Variants in KY observed in about 807,000 individuals in gnomAD.
The protein encoded by KY is kyphoscoliosis peptidase.
In KY, 43 loss-of-function variants were observed where a neutral mutation model predicts 76.1. The ratio of observed to expected loss-of-function variants is 0.57; its 90% CI spans 0.44 to 0.73. The LOEUF is 0.73. Ranked by LOEUF, KY falls within the 30% of genes least tolerant of loss-of-function variation. The probability of loss-of-function intolerance (pLI) is 0.00; values close to 1 mark genes in which losing one functional copy is unlikely to be tolerated. For missense variants in KY, 722 were observed against 828.9 expected (o/e 0.87, Z 1.58); for synonymous variants, 277 against 326.2 (o/e 0.85, Z 1.63).
chr3:134,604,929 A>G (rs1470141485), intron 10 of KY, among the ~76,000 whole-genome samples: 1 of 152,104 alleles, frequency 6.6e-6, no homozygotes, highest in Non-Finnish European at 1.5e-5. Context: ...ATGTCAACGC[A>G]TTGTCCTTAA....
At chr3:134,639,949 C>CAAAAAAAAAAA in intron 3 of KY, 1 of 49,654 alleles carries the variant, frequency 2.0e-5, no homozygotes, top group African/African-American at 8.9e-5. Context: ...CACCCTGTCT[C>CAAAAAAAAAAA]AAAAAAAAAA....
chr3:134,636,236 C>T (rs73230319), intron 3 of KY, among the ~76,000 whole-genome samples: 43,121 of 152,060 alleles, frequency 0.28, 7,747 homozygotes, highest in East Asian at 0.65. Flanking sequence ...ATGATTTTAT[C>T]AATCTATGAT....
chr3:134,632,958 A>G (rs1964428914), intron 3 of KY, among the ~76,000 whole-genome samples: 1 of 152,194 alleles, frequency 6.6e-6, no homozygotes, highest in South Asian at 2.1e-4. Flanking sequence ...ATGTATTAAA[A>G]TAATAATAAA....
At chr3:134,638,624 T>C (rs372631448) in intron 3 of KY, among the ~76,000 whole-genome samples, 2 of 152,358 alleles carry the variant, frequency 1.3e-5, no homozygotes, top group African/African-American at 4.8e-5. Flanking sequence ...GCCCCTTTCC[T>C]AGACCCCGCC....
chr3:134,608,741 A>G lies in KY; in HGVS notation c.998T>C (p.Leu333Pro), dbSNP rs2107761132. The G allele has an allele frequency of 6.2e-7, 1 of 1,614,022 alleles. No individual in the cohort carries two copies. The highest frequency in any genetic ancestry group is 2.2e-5 in the East Asian group (1 of 44,882). The change falls in exon 10 of 11, where the codon CTG becomes CCG. Residue 333 changes from leucine (L) to proline (P), a missense_variant. This residue lies in a region of KY where 552 missense variants were observed against 680.9 expected (regional missense o/e 0.81). Coordinates refer to ENST00000423778, the MANE Select transcript of KY (RefSeq NM_178554.6). ...ATACATGTTGTTCTCAAACTGCCTCAGAGATTGAGGAGGTTTTAGCAGCTG... is the reference window on the plus strand; with the variant it reads ...ATACATGTTGTTCTCAAACTGCCTCGGAGATTGAGGAGGTTTTAGCAGCTG... ...NWQLLKPPQS[L>P]RQFENNMYHK... is the part of the protein sequence containing the mutation.
intron 8 of KY, among the ~76,000 whole-genome samples, chr3:134,616,421 T>C (rs1166011343): frequency 6.6e-6 from 1 of 152,228 alleles, no homozygotes; most frequent in Non-Finnish European, 1.5e-5. Flanking sequence ...GCGGATTATA[T>C]GTCCTCAGTT....
At chr3:134,635,021 A>C (rs1964737175) in intron 3 of KY, among the ~76,000 whole-genome samples, 1 of 152,254 alleles carries the variant, frequency 6.6e-6, no homozygotes, top group East Asian at 1.9e-4. Flanking sequence ...TGTACTTACC[A>C]TACAACCTAA....
chr3:134,603,449 A>C lies in KY; in HGVS notation c.*130T>G. The C allele has an allele frequency of 1.3e-6, 1 of 783,884 alleles. No homozygotes were observed. The highest frequency in any genetic ancestry group is 2.0e-6 in the Non-Finnish European group (1 of 494,998). The allele number at this position is 783,884 out of a possible 1,614,324, so 48.6% of individuals were successfully genotyped here. A position where few individuals can be genotyped will look rare whatever the true frequency, so the allele number is the denominator to read the frequency against. ...ACAGCTCCTGTGGCAGAGGTGGGACACTGAGGCAGAGGCCTAGAAGGGATT... is the reference window on the plus strand; with the variant it reads ...ACAGCTCCTGTGGCAGAGGTGGGACCCTGAGGCAGAGGCCTAGAAGGGATT... On this transcript the variant is annotated 3_prime_UTR_variant, in exon 11 of 11. Coordinates refer to ENST00000423778, the MANE Select transcript of KY (RefSeq NM_178554.6).
chr3:134,624,224 C>G (rs1318582008), intron 6 of KY, among the ~76,000 whole-genome samples: 2 of 152,240 alleles, frequency 1.3e-5, no homozygotes, highest in Admixed American at 1.3e-4. Context: ...TTCTTCCCCT[C>G]TGCCCCTAGC....
In KY at chr3:134,603,915, G is replaced by A. The variant is rs1344690019; in HGVS notation, c.1650C>T (p.Phe550=). 16 of 1,613,900 alleles carry A rather than the reference G, an allele frequency of 9.9e-6. No individual in the cohort carries two copies. Among genetic ancestry groups the A allele is most frequent in the African/African-American group, 2.7e-5 (2 of 74,932 alleles). Residue 550 remains phenylalanine (F), a synonymous_variant, in exon 11 of 11, where the codon TTC becomes TTT. Coordinates refer to ENST00000423778, the MANE Select transcript of KY (RefSeq NM_178554.6). The stretch of plus-strand genomic sequence containing the variant: ...CACAGCATACAAGGTAATTAAAGAC[G>A]AAGATGTAGTTTCCTGGTTCCTGCC... ...KKRQEPGNYI[F]VFNYLVCCAN...
At chr3:134,649,830 G>A (rs969052898) in intron 1 of KY, among the ~76,000 whole-genome samples, 4 of 152,242 alleles carry the variant, frequency 2.6e-5, no homozygotes, top group African/African-American at 9.6e-5. Flanking sequence ...AATGAGCACA[G>A]AGGCTCTGGG....
At chr3:134,607,810 C>A (rs1959492329) in intron 10 of KY, 2 of 988,160 alleles carry the variant, frequency 2.0e-6, no homozygotes, top group South Asian at 4.7e-5. Flanking sequence ...CTATACTGCC[C>A]CAGGGGAGTG....
rs556880759 is a variant in KY, at chr3:134,611,043, G to A, written c.711-660C>T. ...GCTGCCAGTTTGCTCAGGTCTGACT[G>A]GTGGGTCTGTCCTTTGTGAACATGG... On this transcript the variant is annotated intron_variant, in intron 8 of 10. Coordinates refer to ENST00000423778, the MANE Select transcript of KY (RefSeq NM_178554.6). 2.0e-5 allele frequency among the ~76,000 whole-genome samples: 3 copies of A among 152,330 alleles called. No homozygotes were observed. In the East Asian group the frequency reaches 5.8e-4, roughly 29 times the overall value.
rs553985273 is a variant in KY at position 134,601,753 on chromosome 3, G to C, written c.*1826C>G. ...GCTCGAGGCCGCCGGCCTGTTGGAT[G>C]ATGGGCACCCTTGTGAGCTGGTTCT... On this transcript the variant is annotated 3_prime_UTR_variant, in exon 11 of 11. Coordinates refer to ENST00000423778, the MANE Select transcript of KY (RefSeq NM_178554.6). Among the ~76,000 whole-genome samples the C allele has an allele frequency of 3.3e-5, 5 of 152,252 alleles. No homozygotes were observed. The highest frequency in any genetic ancestry group is 1.2e-4 in the African/African-American group (5 of 41,472).
At chr3:134,620,609 G>T in intron 7 of KY, 140 bp downstream of exon 7, 1 of 632,074 alleles carries the variant, frequency 1.6e-6, no homozygotes, top group Non-Finnish European at 2.9e-6. Flanking sequence ...TTACTCTCTG[G>T]TTCATCAGTC....
intron 3 of KY, among the ~76,000 whole-genome samples, chr3:134,638,083 G>A (rs928627067): frequency 1.1e-4 from 16 of 152,130 alleles, no homozygotes; most frequent in Admixed American, 2.0e-4. Context: ...CCACTTTCTC[G>A]TCCTCCCTGA....
intron 2 of KY, among the ~76,000 whole-genome samples, chr3:134,645,678 T>G (rs776943766): frequency 6.6e-6 from 1 of 152,228 alleles, no homozygotes; most frequent in East Asian, 1.9e-4. Context: ...TTTTCTGGGC[T>G]CAGGGCCTCT....
chr3:134,628,093 CTT>C (rs1651347960), intron 4 of KY: 1 of 473,692 alleles, frequency 2.1e-6, no homozygotes, highest in Admixed American at 3.5e-5. Flanking sequence ...TGACCTAACA[CTT>C]TGGGTGATTC....
intron 3 of KY, among the ~76,000 whole-genome samples, chr3:134,630,088 T>G (rs11915964): frequency 0.33 from 50,076 of 152,130 alleles, 8,599 homozygotes; most frequent in African/African-American, 0.37. Context: ...TAGACTGGAC[T>G]TAAAGGCATT....
Sources: allele counts gnomAD v4.1 joint callset (sites outside exome capture counted in the v4.1 genomes callset), GRCh38; gene constraint gnomAD v4.1.1; regional missense constraint gnomAD v4.1.1; transcripts MANE v1.5; gene names NCBI Gene and HGNC (gene_info 2026-07-23, HGNC 2026-07-21).